Variants in CDK17 observed in about 807,000 individuals in gnomAD.
CDK17 encodes cyclin dependent kinase 17.
A neutral mutation model predicts 77.6 loss-of-function variants in CDK17; 24 were observed. That is an observed-to-expected ratio of 0.31 (90% confidence interval 0.22 to 0.44). The LOEUF (loss-of-function observed/expected upper bound fraction) is 0.44, where lower values mean the gene tolerates loss of function less well. CDK17 is among the 20% of genes least tolerant of loss of function. The pLI, the probability that CDK17 is intolerant of heterozygous loss-of-function variation, is 1.00. For synonymous variants in CDK17, 203 were observed against 210.4 expected (o/e 0.96, Z 0.30); for missense variants, 429 against 622.5 (o/e 0.69, Z 3.31).
chr12:96,364,088 A>T (rs185565115), intron 1 of CDK17, among the ~76,000 whole-genome samples: 1 of 152,336 alleles, frequency 6.6e-6, no homozygotes, highest in East Asian at 1.9e-4. Flanking sequence ...TGTTCTGTGT[A>T]TCAGTGGTTT....
rs73366570 is a variant in CDK17 at position 96,366,284 on chromosome 12, T to C, written c.-29-31419A>G. ...AGAGAACTAGGCTACATCCATTTAT[T>C]GTATGAACACAGATGTTACCCTTCC... On this transcript the variant is annotated intron_variant, in intron 1 of 16. Coordinates refer to ENST00000261211, the MANE Select transcript of CDK17 (RefSeq NM_002595.5). Among the ~76,000 whole-genome samples the C allele has an allele frequency of 6.1e-3, 925 of 152,336 alleles. 12 individuals are homozygous for C. Among genetic ancestry groups the C allele is most frequent in the African/African-American group, 0.02 (831 of 41,570 alleles).
intron 1 of CDK17, among the ~76,000 whole-genome samples, chr12:96,349,271 T>C (rs1953274568): frequency 6.6e-6 from 1 of 152,080 alleles, no homozygotes; most frequent in South Asian, 2.1e-4. Flanking sequence ...CTGGACAACA[T>C]GGTGAAACCC....
intron 1 of CDK17, among the ~76,000 whole-genome samples, chr12:96,346,954 A>C (rs796802829): frequency 5.3e-5 from 8 of 152,270 alleles, no homozygotes; most frequent in African/African-American, 1.7e-4. Context: ...ATACAAAGAC[A>C]CTAAGAAACT....
chr12:96,369,355 T>C (rs1272877909), intron 1 of CDK17, among the ~76,000 whole-genome samples: 2 of 152,156 alleles, frequency 1.3e-5, no homozygotes, highest in East Asian at 3.9e-4. Context: ...TTGACAACAC[T>C]AAGAAAAAGG....
At chr12:96,389,505 G>A (rs1031428947) in intron 1 of CDK17, among the ~76,000 whole-genome samples, 2 of 152,118 alleles carry the variant, frequency 1.3e-5, no homozygotes, top group South Asian at 2.1e-4. Flanking sequence ...ATGATATCTG[G>A]AGAAGGGAGG....
At position 96,280,169 on chromosome 12, in the gene CDK17, T is replaced by G; in HGVS notation, c.*73A>C. On this transcript the variant is annotated 3_prime_UTR_variant, in exon 17 of 17. Transcript: ENST00000261211. ...GAGATTCCAAGTCCACCAAAAGAAA[T>G]AATTGCCTTCAGTTCTGAGTCCTTG... 1 of 1,456,414 alleles carries G rather than the reference T, an allele frequency of 6.9e-7. No individual in the cohort carries two copies. Among genetic ancestry groups the G allele is most frequent in the African/African-American group, 1.4e-5 (1 of 70,042 alleles). The allele number at this position is 1,456,414 out of a possible 1,614,324, so 90.2% of individuals were successfully genotyped here.
intron 1 of CDK17, among the ~76,000 whole-genome samples, chr12:96,337,695 G>A (rs1169337481): frequency 6.6e-6 from 1 of 152,064 alleles, no homozygotes; most frequent in Non-Finnish European, 1.5e-5. Context: ...AGTAACTCAT[G>A]CCATTTGTTT....
intron 2 of CDK17, among the ~76,000 whole-genome samples, chr12:96,332,609 T>A (rs1952988442): frequency 6.7e-6 from 1 of 149,244 alleles, no homozygotes; most frequent in Non-Finnish European, 1.5e-5. Context: ...GTTGGTGAAA[T>A]CCATGTGCTA....
At chr12:96,319,701 CAT>C (rs1423105318) in intron 3 of CDK17, among the ~76,000 whole-genome samples, 3 of 127,734 alleles carry the variant, frequency 2.3e-5, no homozygotes, top group African/African-American at 9.3e-5. Flanking sequence ...ACAAAAACCA[CAT>C]GATTATCTCA....
intron 1 of CDK17, among the ~76,000 whole-genome samples, chr12:96,351,602 G>T (rs1043499379): frequency 6.6e-6 from 1 of 152,150 alleles, no homozygotes; most frequent in African/African-American, 2.4e-5. Flanking sequence ...AGTTGTGATG[G>T]TTACACAAAA....
At chr12:96,295,191 G>GT in intron 9 of CDK17, 69 bp from the exon 10 acceptor site, 2 of 1,268,312 alleles carry the variant, frequency 1.6e-6, no homozygotes, top group Non-Finnish European at 2.2e-6. Flanking sequence ...ATAAATGATG[G>GT]TAAGCAGAAA....
intron 1 of CDK17, among the ~76,000 whole-genome samples, chr12:96,395,146 T>C (rs1330229404): frequency 6.6e-6 from 1 of 152,234 alleles, no homozygotes; most frequent in Non-Finnish European, 1.5e-5. Context: ...AGTGCTGGGA[T>C]TACAGGCGTG....
At position 96,278,573 on chromosome 12, in the gene CDK17, T is replaced by C. The variant is rs1034570593; in HGVS notation, c.*1669A>G. 1.1e-4 allele frequency: 17 copies of C among 152,592 alleles called. No homozygotes were observed. Among genetic ancestry groups the C allele is most frequent in the African/African-American group, 4.1e-4 (17 of 41,456 alleles). The allele number at this position is 152,592 out of a possible 1,614,324, so 9.5% of individuals were successfully genotyped here. On this transcript the variant is annotated 3_prime_UTR_variant, in exon 17 of 17. Coordinates refer to ENST00000261211, the MANE Select transcript of CDK17 (RefSeq NM_002595.5). ...CCACATTTTAACAACATGGAGATTT[T>C]GTTATTATAAATTTCAAAACAAAAT...
intron 5 of CDK17, chr12:96,303,155 T>G (rs1273877297): frequency 6.6e-6 from 1 of 152,150 alleles, no homozygotes; most frequent in Non-Finnish European, 1.5e-5. Context: ...CTACAGAAAT[T>G]ATTCAGAGGA....
intron 1 of CDK17, among the ~76,000 whole-genome samples, chr12:96,371,479 A>G (rs183215098): frequency 6.6e-6 from 1 of 152,358 alleles, no homozygotes; most frequent in Non-Finnish European, 1.5e-5. Context: ...TTAAAAGGCC[A>G]CATTTGACAG....
chr12:96,345,228 A>G (rs1033448879), intron 1 of CDK17, among the ~76,000 whole-genome samples: 2 of 152,178 alleles, frequency 1.3e-5, no homozygotes, highest in African/African-American at 2.4e-5. Flanking sequence ...CAGTCTATCA[A>G]TGATGGGCAT....
chr12:96,340,040 A>G (rs1407272692), intron 1 of CDK17, among the ~76,000 whole-genome samples: 2 of 152,102 alleles, frequency 1.3e-5, no homozygotes, highest in East Asian at 3.9e-4. Flanking sequence ...ATATGCCTAC[A>G]AAAATCTTAA....
rs1049125369 is a variant in CDK17 at position 96,399,973 on chromosome 12, G to A, written c.-30+13C>T. 3 of 374,496 alleles carry A rather than the reference G, an allele frequency of 8.0e-6. No homozygotes were observed. Among genetic ancestry groups the A allele is most frequent in the Non-Finnish European group, 1.4e-5 (3 of 211,124 alleles). 23.2% of individuals were successfully genotyped at this position (374,496 alleles called of 1,614,324 possible). A position where few individuals can be genotyped will look rare whatever the true frequency, so the allele number is the denominator to read the frequency against. On this transcript the variant is annotated intron_variant, in intron 1 of 16. Coordinates refer to ENST00000261211, the MANE Select transcript of CDK17 (RefSeq NM_002595.5). ...AGGGGAAAGCGCGGCGCGGACGCCA[G>A]CCGCCAACTCACCAGCAAGAGCGGG...
chr12:96,385,911 T>C (rs1177494666), intron 1 of CDK17, among the ~76,000 whole-genome samples: 1 of 151,726 alleles, frequency 6.6e-6, no homozygotes, highest in Non-Finnish European at 1.5e-5. Flanking sequence ...AAAAGACAAT[T>C]ATACATAAAA....
Sources: allele counts gnomAD v4.1 joint callset (sites outside exome capture counted in the v4.1 genomes callset), GRCh38; gene constraint gnomAD v4.1.1; transcripts MANE v1.5; gene names NCBI Gene and HGNC (gene_info 2026-07-23, HGNC 2026-07-21).